The following NCKAP1L variants were observed in gnomAD, a reference collection of about 807,000 sequenced individuals.
NCKAP1L encodes NCK associated protein 1 like.
In NCKAP1L, 53 loss-of-function variants were observed where a neutral mutation model predicts 139.2. The observed-to-expected ratio is 0.38, with a 90% confidence interval of 0.31 to 0.48. NCKAP1L has a LOEUF of 0.48. Among genes scored for constraint, NCKAP1L ranks in the 20% least tolerant of loss-of-function variants. The pLI, the probability that NCKAP1L is intolerant of heterozygous loss-of-function variation, is 0.98. For synonymous variants in NCKAP1L, 468 were observed against 499.7 expected (o/e 0.94, Z 0.85); for missense variants, 1,151 against 1,381.9 (o/e 0.83, Z 2.65).
intron 9 of NCKAP1L, among the ~76,000 whole-genome samples, chr12:54,515,545 T>TG (rs958307647): frequency 4.7e-4 from 71 of 152,334 alleles, no homozygotes; most frequent in African/African-American, 1.7e-3. Context: ...TGCTTAGTGC[T>TG]GAAGGCTTTG....
intron 26 of NCKAP1L, among the ~76,000 whole-genome samples, chr12:54,534,760 G>A (rs570389950): frequency 3.3e-4 from 50 of 152,276 alleles, no homozygotes; most frequent in African/African-American, 1.1e-3. Context: ...ACGATGGAGT[G>A]TCCCAAAGGG....
At chr12:54,518,100 G>A (rs1956948612) in intron 13 of NCKAP1L, among the ~76,000 whole-genome samples, 162 bp downstream of exon 13, 2 of 152,030 alleles carry the variant, frequency 1.3e-5, no homozygotes, top group East Asian at 1.9e-4. Context: ...AAGCACTTTG[G>A]GAGGCCTAGG....
chr12:54,528,515 A>G (rs1957043626), intron 22 of NCKAP1L, 138 bp downstream of exon 22: 2 of 1,000,066 alleles, frequency 2.0e-6, no homozygotes, highest in Non-Finnish European at 2.9e-6. Flanking sequence ...AACCACAGTT[A>G]CTTTTGCACC....
Position 54,526,518 on chromosome 12 carries a change from A to T in NCKAP1L, c.2157-10A>T, listed in dbSNP as rs1449975187. The T allele has an allele frequency of 8.1e-6, 13 of 1,606,676 alleles. No homozygotes were observed. The Admixed American group carries it at 2.0e-4, about 25-fold the overall frequency. ...TTGTAATTCTAATTTTTTTTTTTTA[A>T]ATCACCTAGAGCCATTGTGTGGCTG... On this transcript the variant is annotated splice_polypyrimidine_tract_variant and intron_variant, in intron 20 of 30. Coordinates refer to ENST00000293373, the MANE Select transcript of NCKAP1L (RefSeq NM_005337.5).
intron 3 of NCKAP1L, among the ~76,000 whole-genome samples, chr12:54,503,993 T>C (rs1347996470): frequency 6.6e-6 from 1 of 152,132 alleles, no homozygotes; most frequent in Non-Finnish European, 1.5e-5. Context: ...CATATGTTGT[T>C]TAATGTAAAA....
chr12:54,511,742 C>T, intron 7 of NCKAP1L, 61 bp from the exon 8 acceptor site: 1 of 1,577,416 alleles, frequency 6.3e-7, no homozygotes, highest in Non-Finnish European at 8.6e-7. Context: ...CTAGTTTGTC[C>T]TTTCTCCTTT....
intron 9 of NCKAP1L, among the ~76,000 whole-genome samples, chr12:54,514,113 G>A (rs765151126): frequency 5.3e-5 from 8 of 151,962 alleles, no homozygotes; most frequent in Non-Finnish European, 1.0e-4. Context: ...AACTTACTAT[G>A]TTTTGGATAT....
intron 29 of NCKAP1L, among the ~76,000 whole-genome samples, chr12:54,538,614 C>G (rs1957131983): frequency 6.6e-6 from 1 of 152,200 alleles, no homozygotes; most frequent in Non-Finnish European, 1.5e-5. Context: ...CCTGCCTTTG[C>G]TCTAGGTCGT....
At chr12:54,519,709 T>C (rs1354931668) in intron 16 of NCKAP1L, among the ~76,000 whole-genome samples, 1 of 152,184 alleles carries the variant, frequency 6.6e-6, no homozygotes, top group African/African-American at 2.4e-5. Context: ...TGTCAGCTTT[T>C]TACCAATAAT....
chr12:54,502,823 C>CA (rs780466592), intron 3 of NCKAP1L, among the ~76,000 whole-genome samples: 18,344 of 58,100 alleles, frequency 0.32, 3,555 homozygotes, highest in East Asian at 0.73. Context: ...CCCATCTACA[C>CA]AAAAAAAAAA....
intron 9 of NCKAP1L, 154 bp downstream of exon 9, chr12:54,512,259 G>A (rs752894836): frequency 2.9e-5 from 21 of 735,962 alleles, no homozygotes; most frequent in Admixed American, 2.1e-4. Flanking sequence ...TATTAGCTAA[G>A]TGCTTCACTG....
At chr12:54,511,502 G>A (rs1269964737) in intron 7 of NCKAP1L, among the ~76,000 whole-genome samples, 1 of 152,218 alleles carries the variant, frequency 6.6e-6, no homozygotes, top group African/African-American at 2.4e-5. Flanking sequence ...GACCTCTTGG[G>A]TTCAAAAGAT....
At chr12:54,500,804 C>CATCA (rs1447710230) in intron 3 of NCKAP1L, 179 bp downstream of exon 3, 1 of 535,550 alleles carries the variant, frequency 1.9e-6, no homozygotes, top group Non-Finnish European at 3.4e-6. Context: ...GTATATGATA[C>CATCA]ATCACATTTC....
chr12:54,541,290 C>T (rs1176569586), intron 30 of NCKAP1L, among the ~76,000 whole-genome samples: 1 of 152,252 alleles, frequency 6.6e-6, no homozygotes, highest in African/African-American at 2.4e-5. Flanking sequence ...GGACTAGAAC[C>T]CAAGTTTCTT....
intron 13 of NCKAP1L, among the ~76,000 whole-genome samples, 195 bp downstream of exon 13, chr12:54,518,133 G>A (rs1565676976): frequency 6.6e-6 from 1 of 152,052 alleles, no homozygotes; most frequent in Non-Finnish European, 1.5e-5. Flanking sequence ...GAGGTCAGGA[G>A]ATCGAGACCA....
At position 54,523,998 on chromosome 12, in the gene NCKAP1L, A is replaced by G. The variant is rs1957007660; in HGVS notation, c.2156+42A>G. ...GTCCTCTGTTTGGACAGTAGTCTTC[A>G]TACCCTACCATATACCTCTATGTGT... On this transcript the variant is annotated intron_variant, in intron 20 of 30. Transcript: ENST00000293373. The G allele has an allele frequency of 2.5e-6, 4 of 1,590,370 alleles. No individual in the cohort carries two copies. In the Admixed American group the frequency reaches 6.8e-5, roughly 27 times the overall value.
rs553688533 is a variant in NCKAP1L at position 54,545,309 on chromosome 12, A to G, written c.*2624A>G. Reference sequence around the variant, plus strand: ...TTTCCTATTTCAGGTCAGAAAACAGATTTAGAAATATTAAATGACTTAATG... The same window carrying G: ...TTTCCTATTTCAGGTCAGAAAACAGGTTTAGAAATATTAAATGACTTAATG... On this transcript the variant is annotated 3_prime_UTR_variant, in exon 31 of 31. Coordinates refer to ENST00000293373, the MANE Select transcript of NCKAP1L (RefSeq NM_005337.5). The G allele has an allele frequency of 2.6e-5, 4 of 152,330 alleles. No individual in the cohort carries two copies. The South Asian group carries it at 8.3e-4, about 32-fold the overall frequency. 9.4% of individuals were successfully genotyped at this position (152,330 alleles called of 1,614,324 possible).
At chr12:54,520,533 A>G (rs11170964) in intron 16 of NCKAP1L, among the ~76,000 whole-genome samples, 161 bp from the exon 17 acceptor site, 3,959 of 152,288 alleles carry the variant, frequency 0.026, 121 homozygotes, top group East Asian at 0.074. Flanking sequence ...AATTAAGGAG[A>G]GAGTGGTAAA....
chr12:54,512,255 C>A, intron 9 of NCKAP1L, 150 bp downstream of exon 9: 1 of 768,892 alleles, frequency 1.3e-6, no homozygotes, highest in Non-Finnish European at 2.0e-6. Flanking sequence ...CTACTATTAG[C>A]TAAGTGCTTC....
Sources: allele counts gnomAD v4.1 joint callset (sites outside exome capture counted in the v4.1 genomes callset), GRCh38; gene constraint gnomAD v4.1.1; transcripts MANE v1.5; gene names NCBI Gene and HGNC (gene_info 2026-07-23, HGNC 2026-07-21).